ADCY8: variants seen among roughly 807,000 people sequenced by gnomAD.
ADCY8 encodes adenylate cyclase type 8.
A neutral mutation model predicts 119.7 loss-of-function variants in ADCY8; 51 were observed. The ratio of observed to expected loss-of-function variants is 0.43; its 90% CI spans 0.34 to 0.54. The LOEUF is 0.54. ADCY8 is among the 20% of genes least tolerant of loss of function. The pLI is 0.03. For missense variants in ADCY8, 1,383 were observed against 1,598.8 expected (o/e 0.87, Z 2.30); for synonymous variants, 665 against 651.0 (o/e 1.02, Z -0.33).
At chr8:130,894,057 T>C (rs1160097888) in intron 7 of ADCY8, among the ~76,000 whole-genome samples, 1 of 152,134 alleles carries the variant, frequency 6.6e-6, no homozygotes, top group Non-Finnish European at 1.5e-5. Context: ...TGTTTGGTGT[T>C]TTAAATTTCT....
intron 3 of ADCY8, among the ~76,000 whole-genome samples, chr8:130,948,121 C>A (rs922557206): frequency 6.6e-6 from 1 of 152,166 alleles, no homozygotes; most frequent in Admixed American, 6.5e-5. Flanking sequence ...AACAAAGGAG[C>A]CTTTGTTCCT....
chr8:130,926,648 A>G (rs907181624), intron 5 of ADCY8, among the ~76,000 whole-genome samples: 3 of 152,104 alleles, frequency 2.0e-5, no homozygotes, highest in African/African-American at 4.8e-5. Flanking sequence ...TATATTGTCA[A>G]CTATAGTCAC....
intron 1 of ADCY8, among the ~76,000 whole-genome samples, chr8:131,035,504 T>A (rs1824125839): frequency 1.3e-5 from 2 of 152,146 alleles, no homozygotes; most frequent in South Asian, 4.1e-4. Context: ...CCCTTTTAGG[T>A]TCCATTTTGT....
intron 2 of ADCY8, among the ~76,000 whole-genome samples, chr8:130,972,714 G>A (rs975557699): frequency 6.6e-6 from 1 of 152,096 alleles, no homozygotes; most frequent in African/African-American, 2.4e-5. Flanking sequence ...GAAACCGCAC[G>A]AATGAAGCCC....
At chr8:130,815,619 C>A (rs761977010) in intron 13 of ADCY8, among the ~76,000 whole-genome samples, 1 of 151,992 alleles carries the variant, frequency 6.6e-6, no homozygotes, top group Non-Finnish European at 1.5e-5. Context: ...GAACTTGATT[C>A]AAAAATCAGA....
intron 15 of ADCY8, among the ~76,000 whole-genome samples, chr8:130,790,655 G>A (rs1815396257): frequency 6.6e-6 from 1 of 152,160 alleles, no homozygotes; most frequent in Non-Finnish European, 1.5e-5. Flanking sequence ...AGATGAACAG[G>A]ATTTAGTTCC....
intron 7 of ADCY8, among the ~76,000 whole-genome samples, chr8:130,898,006 TACTC>T (rs1819465881): frequency 6.7e-6 from 1 of 150,374 alleles, no homozygotes; most frequent in South Asian, 2.1e-4. Flanking sequence ...CACACATAAA[TACTC>T]ACTCACCTTC....
intron 3 of ADCY8, among the ~76,000 whole-genome samples, chr8:130,946,601 C>G (rs190839464): frequency 2.6e-4 from 40 of 152,290 alleles, no homozygotes; most frequent in Admixed American, 1.1e-3. Context: ...ACACTTAACT[C>G]TCAATAGCAC....
In ADCY8 at chr8:130,867,871, T is replaced by C; in HGVS notation, c.2185A>G (p.Ile729Val). 6.2e-7 allele frequency: 1 copy of C among 1,612,214 alleles called. No homozygotes were observed. The highest frequency in any genetic ancestry group is 1.1e-5 in the South Asian group (1 of 90,828). Residue 729 changes from isoleucine to valine, a missense_variant, in exon 9 of 18, where the codon ATA becomes GTA. By Grantham distance (29) the Ile-to-Val change is conservative (BLOSUM62 3). Coordinates refer to ENST00000286355, the MANE Select transcript of ADCY8 (RefSeq NM_001115.3). The stretch of plus-strand genomic sequence containing the variant: ...CTTGAAGAAGGAAGCAAACTTTGTA[T>C]TGCCGTGATAAATAGAAGAACGATA... ...AFIVLLFITAIQSLLPSSRVM... is the reference protein window; with the variant it reads ...AFIVLLFITAVQSLLPSSRVM...
At chr8:130,843,733 T>C (rs6991158) in intron 11 of ADCY8, among the ~76,000 whole-genome samples, 32,857 of 152,212 alleles carry the variant, frequency 0.22, 3,625 homozygotes, top group Admixed American at 0.26. Context: ...ATTGTGGGCC[T>C]TGTCCTGTGC....
rs559458389 is a variant in ADCY8 at position 131,029,162 on chromosome 8, G to A, written c.960+10212C>T. The stretch of plus-strand genomic sequence containing the variant: ...ACCCTATTGTGAACTGCACATGCGC[G>A]AGATCTAGACTGCAAGCTCCTTATG... On this transcript the variant is annotated intron_variant, in intron 1 of 17. Coordinates refer to ENST00000286355, the MANE Select transcript of ADCY8 (RefSeq NM_001115.3). Among the ~76,000 whole-genome samples, 9 of 152,300 alleles carry A rather than the reference G, an allele frequency of 5.9e-5. No homozygotes were observed. In the East Asian group the frequency reaches 1.2e-3, roughly 20 times the overall value.
intron 2 of ADCY8, 98 bp from the exon 3 acceptor site, chr8:130,952,096 C>T: frequency 7.2e-7 from 1 of 1,397,742 alleles, no homozygotes; most frequent in Non-Finnish European, 9.8e-7. Context: ...TGGATGAACT[C>T]CCTTTGGGAT....
chr8:130,849,502 T>C, intron 10 of ADCY8, 100 bp downstream of exon 10: 1 of 1,248,274 alleles, frequency 8.0e-7, no homozygotes, highest in Non-Finnish European at 1.1e-6. Flanking sequence ...TAAAGGTAAC[T>C]GGTACCAAGG....
At chr8:131,033,419 A>C (rs1262210460) in intron 1 of ADCY8, among the ~76,000 whole-genome samples, 1 of 152,184 alleles carries the variant, frequency 6.6e-6, no homozygotes, top group Non-Finnish European at 1.5e-5. Context: ...CAATCATCAA[A>C]GTGTAAATAT....
At chr8:130,792,724 A>G (rs534394241) in intron 15 of ADCY8, among the ~76,000 whole-genome samples, 1 of 152,186 alleles carries the variant, frequency 6.6e-6, no homozygotes. Context: ...AAGCCTCTTA[A>G]TTGGCTCCCT....
chr8:131,022,294 C>T (rs1823695394), intron 1 of ADCY8, among the ~76,000 whole-genome samples: 1 of 152,120 alleles, frequency 6.6e-6, no homozygotes, highest in South Asian at 2.1e-4. Context: ...CCAGGCAGGC[C>T]CCAGTGTGTG....
At chr8:131,033,777 C>A (rs919060537) in intron 1 of ADCY8, among the ~76,000 whole-genome samples, 2 of 151,756 alleles carry the variant, frequency 1.3e-5, no homozygotes, top group Non-Finnish European at 2.9e-5. Context: ...AAAGCACACA[C>A]ACACACATAC....
At chr8:130,931,889 C>T (rs1380389643) in intron 5 of ADCY8, among the ~76,000 whole-genome samples, 1 of 151,906 alleles carries the variant, frequency 6.6e-6, no homozygotes, top group Non-Finnish European at 1.5e-5. Context: ...TGCTGGGATT[C>T]CTTAAAATAG....
In ADCY8 at chr8:130,801,782, T is replaced by C. The variant is rs188930525; in HGVS notation, c.2914-1210A>G. Among the ~76,000 whole-genome samples the C allele has an allele frequency of 3.0e-3, 450 of 152,324 alleles. 3 individuals carry two copies. The highest frequency in any genetic ancestry group is 5.2e-3 in the Non-Finnish European group (357 of 68,024). ...AATGCACACATGTAAGTTTATATCC[T>C]GCTGGACACCTGCAGATTGGTGTTT... On this transcript the variant is annotated intron_variant, in intron 14 of 17. Coordinates refer to ENST00000286355, the MANE Select transcript of ADCY8 (RefSeq NM_001115.3).
Sources: gnomAD v4.1 joint callset for allele counts (sites outside exome capture counted in the v4.1 genomes callset) on GRCh38, gnomAD v4.1.1 for gene constraint, MANE v1.5 for transcripts, NCBI Gene and HGNC (gene_info 2026-07-23, HGNC 2026-07-21) for gene names.